The following AGTPBP1 variants were observed in gnomAD, a reference collection of about 807,000 sequenced individuals.
The protein encoded by AGTPBP1 is cytosolic carboxypeptidase 1.
AGTPBP1 carries 70 observed loss-of-function variants against 143.9 expected under a neutral mutation model. The observed-to-expected ratio is 0.49, with a 90% confidence interval of 0.40 to 0.59. The LOEUF (loss-of-function observed/expected upper bound fraction) is 0.59, where lower values mean the gene tolerates loss of function less well. Ranked by LOEUF, AGTPBP1 falls within the 20% of genes least tolerant of loss-of-function variation. AGTPBP1 has a pLI of 0.00. For synonymous variants in AGTPBP1, 463 were observed against 500.2 expected, an observed-to-expected ratio of 0.93 and a Z score of 0.99; for missense variants, 1,229 against 1,464.5, an observed-to-expected ratio of 0.84 and a Z score of 2.62.
intron 19 of AGTPBP1, among the ~76,000 whole-genome samples, chr9:85,590,454 G>T (rs1034023275): frequency 1.3e-5 from 2 of 151,992 alleles, no homozygotes; most frequent in South Asian, 2.1e-4. Flanking sequence ...TTATTATGTG[G>T]TTATACCAAA....
At chr9:85,607,937 T>A (rs1284999310) in intron 17 of AGTPBP1, among the ~76,000 whole-genome samples, 1 of 152,120 alleles carries the variant, frequency 6.6e-6, no homozygotes, top group Non-Finnish European at 1.5e-5. Context: ...CGTCTAGTAT[T>A]ACAGCTGCGA....
At chr9:85,578,777 G>A (rs1055892108) in intron 24 of AGTPBP1, 143 bp downstream of exon 24, 2 of 803,970 alleles carry the variant, frequency 2.5e-6, no homozygotes, top group African/African-American at 1.8e-5. Flanking sequence ...CTATTCTTAA[G>A]ACTGCATATG....
intron 17 of AGTPBP1, among the ~76,000 whole-genome samples, chr9:85,613,169 G>A (rs1480158919): frequency 6.0e-5 from 9 of 151,016 alleles, no homozygotes; most frequent in Admixed American, 5.9e-4. Context: ...AAAATAACAA[G>A]GAGATCTTAA....
the AGTPBP1 span, among the ~76,000 whole-genome samples, chr9:85,769,592 T>C: frequency 6.6e-6 from 1 of 152,104 alleles, no homozygotes; most frequent in South Asian, 2.1e-4. Context: ...TCTTCTCTAG[T>C]ATGTGAAAAA....
At chr9:85,642,663 CA>C (rs1357607866) in intron 13 of AGTPBP1, among the ~76,000 whole-genome samples, 163 bp downstream of exon 13, 14 of 152,138 alleles carry the variant, frequency 9.2e-5, no homozygotes, top group African/African-American at 3.1e-4. Context: ...TGCTTAACTG[CA>C]GCTCAGGATA....
intron 18 of AGTPBP1, among the ~76,000 whole-genome samples, chr9:85,593,514 A>G (rs1247483213): frequency 6.6e-6 from 1 of 152,200 alleles, no homozygotes; most frequent in South Asian, 2.1e-4. Flanking sequence ...TGAACATTGG[A>G]TATTTCATCA....
At chr9:85,651,164 G>A (rs1833140741) in intron 11 of AGTPBP1, among the ~76,000 whole-genome samples, 1 of 151,974 alleles carries the variant, frequency 6.6e-6, no homozygotes, top group South Asian at 2.1e-4. Context: ...GTGCTCTCAG[G>A]ATATTGTGCA....
At chr9:85,673,964 C>CA (rs151279371) in intron 6 of AGTPBP1, among the ~76,000 whole-genome samples, 2,098 of 149,852 alleles carry the variant, frequency 0.014, 53 homozygotes, top group African/African-American at 0.047. Flanking sequence ...ATTAAAAATA[C>CA]AAAAAAAAAT....
chr9:85,787,197 C>A, the AGTPBP1 span, among the ~76,000 whole-genome samples: 1 of 152,088 alleles, frequency 6.6e-6, no homozygotes, highest in Admixed American at 6.6e-5. Context: ...ATAATGCTAT[C>A]TTTTTTGTTT....
At chr9:85,791,557 G>A in the AGTPBP1 span, 1 of 151,998 alleles carries the variant, frequency 6.6e-6, no homozygotes, top group African/African-American at 2.4e-5. Flanking sequence ...AGGGAGACAG[G>A]GGGGAAAGAG....
At chr9:85,646,008 T>A (rs1406780231) in intron 12 of AGTPBP1, among the ~76,000 whole-genome samples, 1 of 152,176 alleles carries the variant, frequency 6.6e-6, no homozygotes, top group Non-Finnish European at 1.5e-5. Flanking sequence ...TAATAATGCA[T>A]TTTGAAATAA....
the AGTPBP1 span, among the ~76,000 whole-genome samples, chr9:85,775,741 G>A: frequency 6.6e-6 from 1 of 151,950 alleles, no homozygotes; most frequent in African/African-American, 2.4e-5. Context: ...AGGACAGGAA[G>A]CATTCAGCAT....
At chr9:85,552,494 C>T (rs1019737191) in intron 25 of AGTPBP1, among the ~76,000 whole-genome samples, 2 of 152,166 alleles carry the variant, frequency 1.3e-5, no homozygotes, top group African/African-American at 4.8e-5. Context: ...AAGCAAAACA[C>T]TGCCCATGGA....
At chr9:85,713,514 A>G (rs374154337) in intron 1 of AGTPBP1, among the ~76,000 whole-genome samples, 1 of 152,218 alleles carries the variant, frequency 6.6e-6, no homozygotes, top group East Asian at 1.9e-4. Context: ...CTAGGCGACA[A>G]GAGCGAAACT....
Position 85,741,739 on chromosome 9 carries a change from C to T in AGTPBP1, c.-34+36G>A, listed in dbSNP as rs1367676005. The T allele has an allele frequency of 3.1e-6, 4 of 1,283,666 alleles. No homozygotes were observed. In the African/African-American group the frequency reaches 6.2e-5, roughly 20 times the overall value. 79.5% of individuals were successfully genotyped at this position (1,283,666 alleles called of 1,614,324 possible). On this transcript the variant is annotated intron_variant, in intron 1 of 25. Coordinates refer to ENST00000357081, the MANE Select transcript of AGTPBP1 (RefSeq NM_001330701.2). ...CGGCCCGGGGAGAGCAGAGGGACGG[C>T]CGGCCGGGACATGAGGACTGCAGCA...
chr9:85,632,994 A>C lies in AGTPBP1; in HGVS notation c.1683T>G (p.Pro561=). 6.2e-7 allele frequency: 1 copy of C among 1,614,176 alleles called. No homozygotes were observed. The highest frequency in any genetic ancestry group is 1.1e-5 in the South Asian group (1 of 91,080). The stretch of plus-strand genomic sequence containing the variant: ...CTTTAGCACAGGTAAGGACAGTAAG[A>C]GGAAGACTGCAGTCCTTCTTCATTT... The part of the protein sequence containing the change: ...TAEMKKDCSL[P]LTVLTCAKAC... The change falls in exon 14 of 26, where the codon CCT becomes CCG. Residue 561 remains proline (P), a synonymous_variant. Coordinates refer to ENST00000357081, the MANE Select transcript of AGTPBP1 (RefSeq NM_001330701.2).
intron 9 of AGTPBP1, among the ~76,000 whole-genome samples, chr9:85,658,310 A>T (rs1454834924): frequency 6.6e-6 from 1 of 152,188 alleles, no homozygotes; most frequent in Admixed American, 6.5e-5. Flanking sequence ...TTGCAATAAG[A>T]ACTACACTAA....
At chr9:85,586,749 T>C in intron 22 of AGTPBP1, 82 bp downstream of exon 22, 4 of 1,481,712 alleles carry the variant, frequency 2.7e-6, no homozygotes, top group Non-Finnish European at 3.7e-6. Flanking sequence ...TTTGACCTCA[T>C]GATTATCACA....
At chr9:85,576,893 A>G (rs1827934650) in intron 24 of AGTPBP1, among the ~76,000 whole-genome samples, 1 of 152,172 alleles carries the variant, frequency 6.6e-6, no homozygotes, top group Non-Finnish European at 1.5e-5. Context: ...TCTCTCAGTA[A>G]GAGTTTTAAA....
Sources: gnomAD v4.1 joint callset for allele counts (sites outside exome capture counted in the v4.1 genomes callset) on GRCh38, gnomAD v4.1.1 for gene constraint, MANE v1.5 for transcripts, NCBI Gene and HGNC (gene_info 2026-07-23, HGNC 2026-07-21) for gene names.